Variants in PREX1 observed in about 807,000 individuals in gnomAD.
The protein encoded by PREX1 is phosphatidylinositol-3,4,5-trisphosphate dependent Rac exchange factor 1.
A neutral mutation model predicts 198.3 loss-of-function variants in PREX1; 41 were observed. That is an observed-to-expected ratio of 0.21 (90% CI 0.16 to 0.27). PREX1 has a LOEUF of 0.27. Among genes scored for constraint, PREX1 ranks in the 10% least tolerant of loss-of-function variants. The pLI, the probability that PREX1 is intolerant of heterozygous loss-of-function variation, is 1.00. For synonymous variants in PREX1, 843 were observed against 887.2 expected (o/e 0.95, Z 0.89); for missense variants, 1,620 against 2,200.7 (o/e 0.74, Z 5.28).
Position 48,627,600 on chromosome 20 carries a change from T to C in PREX1, c.4885A>G (p.Ile1629Val), listed in dbSNP as rs2089282903. The C allele has an allele frequency of 6.2e-7, 1 of 1,610,342 alleles. No individual in the cohort carries two copies. Among genetic ancestry groups the C allele is most frequent in the Non-Finnish European group, 8.5e-7 (1 of 1,179,500 alleles). ...TTGACTCGCAGGTTTTTGGCCAGAA[T>C]CTCCACCCTTGGGCCCTGGAAGAAG... is the stretch of plus-strand genomic sequence containing the variant. ...IMRKQGPRVE[I>V]LAKNLRVKDQ... The change falls in exon 39 of 40, where the codon ATT becomes GTT. Residue 1629 changes from isoleucine to valine, a missense_variant. Around this residue, in one of 7 missense-constraint regions of PREX1, gnomAD observed 476 missense variants for 603.4 expected, o/e 0.79. Transcript: ENST00000371941.
Position 48,663,348 on chromosome 20 carries a change from C to G in PREX1, c.1738+2935G>C, listed in dbSNP as rs1439913760. Among the ~76,000 whole-genome samples the G allele has an allele frequency of 2.6e-5, 4 of 152,326 alleles. No individual in the cohort carries two copies. In the East Asian group the frequency reaches 5.8e-4, roughly 22 times the overall value. Reference sequence around the variant, plus strand: ...TCTGCCAAGGGAACCGCAAATCCAGCAGGCCGACCAGGGCTCAACAAACTA... The same window carrying G: ...TCTGCCAAGGGAACCGCAAATCCAGGAGGCCGACCAGGGCTCAACAAACTA... On this transcript the variant is annotated intron_variant, in intron 15 of 39. Transcript: ENST00000371941.
At chr20:48,646,688 AAAAAG>A (rs1555830758) in intron 25 of PREX1, among the ~76,000 whole-genome samples, 4 of 152,028 alleles carry the variant, frequency 2.6e-5, no homozygotes, top group South Asian at 2.1e-4. Flanking sequence ...AAAAAAAAAA[AAAAAG>A]AAAAGAAAAG....
intron 18 of PREX1, among the ~76,000 whole-genome samples, chr20:48,656,075 AC>A (rs1301875062): frequency 3.3e-5 from 5 of 151,734 alleles, no homozygotes; most frequent in Admixed American, 2.6e-4. Context: ...CCACATACCA[AC>A]CCATCGATCA....
At chr20:48,886,940 T>C in the PREX1 span, among the ~76,000 whole-genome samples, 1 of 152,224 alleles carries the variant, frequency 6.6e-6, no homozygotes, top group Non-Finnish European at 1.5e-5. Context: ...TACACAGTAC[T>C]TTACAGTTTG....
the PREX1 span, among the ~76,000 whole-genome samples, chr20:48,849,662 C>A: frequency 6.6e-6 from 1 of 152,222 alleles, no homozygotes; most frequent in African/African-American, 2.4e-5. Context: ...CTATTTCCCT[C>A]TGTAAACTGC....
At chr20:48,840,339 C>CAA in the PREX1 span, among the ~76,000 whole-genome samples, 2 of 111,634 alleles carry the variant, frequency 1.8e-5, no homozygotes, top group Non-Finnish European at 1.9e-5. Flanking sequence ...TAACCTTAAC[C>CAA]AAAAAAAAAA....
At position 48,691,014 on chromosome 20, in the gene PREX1, C is replaced by T. The variant is rs777210635; in HGVS notation, c.1119G>A (p.Met373Ile). 1 of 1,614,160 alleles carries T rather than the reference C, an allele frequency of 6.2e-7. No individual in the cohort carries two copies. Among genetic ancestry groups the T allele is most frequent in the Non-Finnish European group, 8.5e-7 (1 of 1,180,064 alleles). ...TCTGCTTCTCCTCTGCCGTCTTGGCCATGCAGACAAACCACTTATTCTTGG... is the reference window on the plus strand; with the variant it reads ...TCTGCTTCTCCTCTGCCGTCTTGGCTATGCAGACAAACCACTTATTCTTGG... The part of the protein sequence containing the change: ...NTAKNKWFVC[M>I]AKTAEEKQKW... Residue 373 changes from methionine to isoleucine, a missense_variant, in exon 9 of 40, where the codon ATG becomes ATA. Met to Ile is a conservative substitution (Grantham distance 10). This residue lies in a region of PREX1 where 488 missense variants were observed against 802.5 expected (regional missense o/e 0.61). Transcript: ENST00000371941. The surrounding 1 kb of genome is among the most constrained non-coding windows in gnomAD (Gnocchi z 5.0).
chr20:48,879,300 T>C, the PREX1 span, among the ~76,000 whole-genome samples: 1 of 152,252 alleles, frequency 6.6e-6, no homozygotes, highest in East Asian at 1.9e-4. Flanking sequence ...TTTTCCCTTT[T>C]ACGTTCTTTA....
chr20:48,670,052 G>T lies in PREX1; in HGVS notation c.1666-3697C>A, dbSNP rs146028484. Among the ~76,000 whole-genome samples the T allele has an allele frequency of 6.0e-3, 907 of 152,294 alleles. 31 individuals carry two copies. Among genetic ancestry groups the T allele is most frequent in the Admixed American group, 0.04 (618 of 15,290 alleles). ...ACAATCACTCTTATTAACCCCACTC[G>T]ACAGAGGAGGAAACAGAGGCATAGA... On this transcript the variant is annotated intron_variant, in intron 14 of 39. Coordinates refer to ENST00000371941, the MANE Select transcript of PREX1 (RefSeq NM_020820.4).
intron 1 of PREX1, among the ~76,000 whole-genome samples, chr20:48,821,132 G>A (rs1377785723): frequency 6.6e-6 from 1 of 152,158 alleles, no homozygotes; most frequent in Non-Finnish European, 1.5e-5. Context: ...AACCCGGGAG[G>A]CAGAGGTTGA....
the PREX1 span, among the ~76,000 whole-genome samples, chr20:48,880,504 C>T: frequency 6.6e-6 from 1 of 152,290 alleles, no homozygotes; most frequent in East Asian, 1.9e-4. Context: ...ATCCTAAAGT[C>T]CACCTCGTGC....
chr20:48,752,298 G>C (rs1249115417), intron 1 of PREX1, among the ~76,000 whole-genome samples: 1 of 152,226 alleles, frequency 6.6e-6, no homozygotes, highest in Non-Finnish European at 1.5e-5. Flanking sequence ...ATAAGCAAGA[G>C]AGAATATTGT....
At chr20:48,758,967 T>C (rs2090167191) in intron 1 of PREX1, among the ~76,000 whole-genome samples, 1 of 152,140 alleles carries the variant, frequency 6.6e-6, no homozygotes, top group African/African-American at 2.4e-5. Flanking sequence ...GCCAAAGATA[T>C]GGCCAGCATT....
the PREX1 span, among the ~76,000 whole-genome samples, chr20:48,846,738 C>T: frequency 6.6e-6 from 1 of 152,200 alleles, no homozygotes; most frequent in Non-Finnish European, 1.5e-5. Context: ...AAACAGTCTC[C>T]CAGCCCCATG....
intron 7 of PREX1, 101 bp from the exon 8 acceptor site, chr20:48,692,891 G>A: frequency 2.1e-6 from 2 of 967,056 alleles, no homozygotes; most frequent in East Asian, 2.4e-5. Flanking sequence ...GGCATCCAGG[G>A]GACAGAGAGG....
chr20:48,726,241 T>A, intron 5 of PREX1, 49 bp downstream of exon 5: 2 of 1,494,392 alleles, frequency 1.3e-6, no homozygotes, highest in Non-Finnish European at 1.9e-6. Context: ...TTTTATGTTA[T>A]GCTGAAGCCA....
intron 1 of PREX1, among the ~76,000 whole-genome samples, chr20:48,764,600 T>C (rs993995345): frequency 2.6e-4 from 39 of 152,046 alleles, no homozygotes; most frequent in African/African-American, 8.9e-4. Context: ...CTGGCCAACA[T>C]ACCAAAACCC....
rs2089422028 is a variant in PREX1 at position 48,642,466 on chromosome 20, G to A, written c.3625C>T (p.Arg1209Trp). ...TTGTCCTGCTTGTCAGATGGGATCC[G>A]CATGTCACAGGGCAGCTCATCTCCT... ...GSGDELPCDMRIPSDKQDKLH... is the reference protein window; with the variant it reads ...GSGDELPCDMWIPSDKQDKLH... The change falls in exon 28 of 40, where the codon CGG (arginine) becomes TGG (tryptophan). Residue 1209 changes from arginine (R) to tryptophan (W), a missense_variant. Arg to Trp is a moderately radical substitution (Grantham distance 101). Coordinates refer to ENST00000371941, the MANE Select transcript of PREX1 (RefSeq NM_020820.4). 6.2e-7 allele frequency: 1 copy of A among 1,613,308 alleles called. No individual in the cohort carries two copies. Among genetic ancestry groups the A allele is most frequent in the Non-Finnish European group, 8.5e-7 (1 of 1,179,454 alleles).
chr20:48,659,860 C>T lies in PREX1; in HGVS notation c.1881+59G>A, dbSNP rs923438351. On this transcript the variant is annotated intron_variant, in intron 16 of 39. Coordinates refer to ENST00000371941, the MANE Select transcript of PREX1 (RefSeq NM_020820.4). The stretch of plus-strand genomic sequence containing the variant: ...TGTGCATAACCAGAAGGTCGCCCAG[C>T]TCCCATGCCTGCAGGGGGCTCTGGC... The T allele has an allele frequency of 1.8e-5, 29 of 1,608,790 alleles. No individual in the cohort carries two copies. In the African/African-American group the frequency reaches 3.6e-4, roughly 20 times the overall value.
Sources: gnomAD v4.1 joint callset for allele counts (sites outside exome capture counted in the v4.1 genomes callset) on GRCh38, gnomAD v4.1.1 for gene constraint, gnomAD v4.1.1 regional missense constraint, Gnocchi (gnomAD v3.1) non-coding constraint, MANE v1.5 for transcripts, NCBI Gene and HGNC (gene_info 2026-07-23, HGNC 2026-07-21) for gene names.